SLC14A2: variants seen among roughly 807,000 people sequenced by gnomAD.
The protein encoded by SLC14A2 is urea transporter 2.
A neutral mutation model predicts 104.6 loss-of-function variants in SLC14A2; 91 were observed. The observed-to-expected ratio is 0.87, with a 90% CI of 0.73 to 1.04. The LOEUF (loss-of-function observed/expected upper bound fraction) is 1.04. Among genes scored for constraint, SLC14A2 ranks in the 50% least tolerant of loss-of-function variants. The probability of loss-of-function intolerance (pLI) is 0.00; values close to 1 mark genes in which losing one functional copy is unlikely to be tolerated. For synonymous variants in SLC14A2, 476 were observed against 466.4 expected (o/e 1.02, Z -0.27); for missense variants, 1,189 against 1,156.0 (o/e 1.03, Z -0.41).
At chr18:45,630,919 G>A (rs1021399182) in intron 4 of SLC14A2, among the ~76,000 whole-genome samples, 2 of 152,138 alleles carry the variant, frequency 1.3e-5, no homozygotes, top group Admixed American at 1.3e-4. Context: ...AAGCTGTCTA[G>A]ATATGCTCTC....
At chr18:45,257,580 A>G (rs1290418843) in intron 1 of SLC14A2, among the ~76,000 whole-genome samples, 3 of 152,226 alleles carry the variant, frequency 2.0e-5, no homozygotes, top group Admixed American at 1.3e-4. Flanking sequence ...TTTAGAAATT[A>G]CAATATGGTT....
At position 45,673,702 on chromosome 18, in the gene SLC14A2, C is replaced by G; in HGVS notation, c.2397C>G (p.Pro799=). 1 of 1,614,080 alleles carries G rather than the reference C, an allele frequency of 6.2e-7. No homozygotes were observed. The highest frequency in any genetic ancestry group is 8.5e-7 in the Non-Finnish European group (1 of 1,179,992). The change falls in exon 18 of 20, where the codon CCC becomes CCG. Residue 799 remains proline, a synonymous_variant. Transcript: ENST00000255226. The part of the protein sequence containing the change: ...GMLAALTIAT[P]FDSIYFGLCG... ...TCACAGCACTCACTATTGCGACGCC[C>G]TTTGACTCCATCTACTTCGGCCTGT...
chr18:45,398,097 G>A (rs1225918741), intron 1 of SLC14A2, among the ~76,000 whole-genome samples: 4 of 152,138 alleles, frequency 2.6e-5, no homozygotes, highest in Admixed American at 6.5e-5. Flanking sequence ...CGATATTTAT[G>A]TATAGAAATT....
chr18:45,631,368 C>T (rs568442097), intron 4 of SLC14A2, among the ~76,000 whole-genome samples: 1 of 152,232 alleles, frequency 6.6e-6, no homozygotes, highest in Non-Finnish European at 1.5e-5. Flanking sequence ...CCCTCACCCA[C>T]AGCCTATGCC....
intron 1 of SLC14A2, among the ~76,000 whole-genome samples, chr18:45,223,555 A>G (rs979581595): frequency 6.6e-6 from 1 of 152,178 alleles, no homozygotes; most frequent in African/African-American, 2.4e-5. Context: ...CTTCTTTCCA[A>G]TGGTTAGTTT....
At chr18:45,541,163 G>C (rs2043877907) in intron 2 of SLC14A2, among the ~76,000 whole-genome samples, 1 of 152,138 alleles carries the variant, frequency 6.6e-6, no homozygotes, top group Non-Finnish European at 1.5e-5. Flanking sequence ...AGGATTCTTT[G>C]TCTTCTTGCC....
chr18:45,347,221 T>G (rs2085458279), intron 1 of SLC14A2, among the ~76,000 whole-genome samples: 1 of 151,918 alleles, frequency 6.6e-6, no homozygotes, highest in South Asian at 2.1e-4. Context: ...CTGGGCATGG[T>G]GGCATGCACC....
rs9952980 is a variant in SLC14A2 at position 45,308,832 on chromosome 18, T to A, written c.-125+95641T>A. Among the ~76,000 whole-genome samples the A allele has an allele frequency of 1.1e-4, 16 of 152,204 alleles. No individual in the cohort carries two copies. The East Asian group carries it at 2.7e-3, about 26-fold the overall frequency. On this transcript the variant is annotated intron_variant, in intron 1 of 20. Coordinates refer to the SLC14A2 transcript ENST00000586448. ...AACAAAAACACAATGCTTTAAAATG[T>A]CACCATGACCATCTGGTTGTTGCCT... is the stretch of plus-strand genomic sequence containing the variant.
intron 2 of SLC14A2, among the ~76,000 whole-genome samples, chr18:45,546,978 C>G (rs2043980672): frequency 6.6e-6 from 1 of 152,136 alleles, no homozygotes. Context: ...CCATGCCCAG[C>G]CTTCTCAACC....
At chr18:45,381,417 T>C (rs2085833571) in intron 1 of SLC14A2, among the ~76,000 whole-genome samples, 1 of 152,230 alleles carries the variant, frequency 6.6e-6, no homozygotes, top group Admixed American at 6.5e-5. Context: ...GACGACCTCT[T>C]GAACTTATTT....
At chr18:45,553,598 C>T (rs2044085951) in intron 2 of SLC14A2, among the ~76,000 whole-genome samples, 1 of 151,930 alleles carries the variant, frequency 6.6e-6, no homozygotes, top group African/African-American at 2.4e-5. Context: ...TTCTCGAGGG[C>T]CCTTTACTAA....
chr18:45,626,133 C>T (rs2045254364), intron 3 of SLC14A2, among the ~76,000 whole-genome samples: 1 of 152,148 alleles, frequency 6.6e-6, no homozygotes, highest in Non-Finnish European at 1.5e-5. Flanking sequence ...GCAAATTGCT[C>T]GTTCCTATGT....
chr18:45,295,302 ATTTTTTTTT>A lies in SLC14A2; in HGVS notation c.-125+82115_-125+82123del, dbSNP rs10647065. Among the ~76,000 whole-genome samples the A allele has an allele frequency of 2.0e-5, 3 of 146,972 alleles. No homozygotes were observed. The East Asian group carries it at 6.0e-4, about 29-fold the overall frequency. ...TGTAATTAATATACATTTTTAAAGC[ATTTTTTTTT>A]TTTAGGAATAGGGGAATACTCATGG... is the stretch of plus-strand genomic sequence containing the variant. On this transcript the variant is annotated intron_variant, in intron 1 of 20. Transcript: ENST00000586448.
chr18:45,302,797 A>T lies in SLC14A2; in HGVS notation c.-125+89606A>T, dbSNP rs191726567. 9.9e-4 allele frequency among the ~76,000 whole-genome samples: 151 copies of T among 152,318 alleles called. 1 individual carries two copies. The highest frequency in any genetic ancestry group is 3.4e-3 in the Middle Eastern group (1 of 294). On this transcript the variant is annotated intron_variant, in intron 1 of 20. Transcript: ENST00000586448. ...AATACATGTGGAATAATATGTAAGG[A>T]GATAGGACATGTTTACATAAAATGT...
chr18:45,337,226 T>C lies in SLC14A2; in HGVS notation c.-125+124035T>C, dbSNP rs796756160. ...GGAATATGAAGGAGGGTCAATTTGG[T>C]AGAGGAGACCAACATGCAAAGAGGC... On this transcript the variant is annotated intron_variant, in intron 1 of 20. Coordinates refer to the SLC14A2 transcript ENST00000586448. 2.0e-5 allele frequency among the ~76,000 whole-genome samples: 3 copies of C among 152,194 alleles called. No homozygotes were observed. In the South Asian group the frequency reaches 6.2e-4, roughly 32 times the overall value.
At chr18:45,431,557 C>G (rs2086515116) in intron 1 of SLC14A2, among the ~76,000 whole-genome samples, 1 of 152,148 alleles carries the variant, frequency 6.6e-6, no homozygotes, top group African/African-American at 2.4e-5. Flanking sequence ...TGACAGTCAC[C>G]TAGCAAAGAA....
chr18:45,561,619 AT>A (rs1446407165), intron 2 of SLC14A2, among the ~76,000 whole-genome samples: 1 of 152,134 alleles, frequency 6.6e-6, no homozygotes, highest in Non-Finnish European at 1.5e-5. Flanking sequence ...TTTGCTTCAT[AT>A]TTTTTAATAA....
intron 1 of SLC14A2, among the ~76,000 whole-genome samples, chr18:45,280,574 G>A (rs2084752292): frequency 6.6e-6 from 1 of 152,130 alleles, no homozygotes; most frequent in Non-Finnish European, 1.5e-5. Context: ...TCTGGGTGAT[G>A]TGTCTACAGG....
In SLC14A2 at chr18:45,270,937, AG is replaced by A. The variant is rs538335886; in HGVS notation, c.-125+57747del. ...AAAAAAGTGAGAAAGCCTGAAAGAA[AG>A]CCTTGTTGATTTTAAGCAGATACAA... On this transcript the variant is annotated intron_variant, in intron 1 of 20. Coordinates refer to the SLC14A2 transcript ENST00000586448. Among the ~76,000 whole-genome samples, 207 of 152,304 alleles carry A rather than the reference AG, an allele frequency of 1.4e-3. 4 individuals carry two copies. The highest frequency in any genetic ancestry group is 6.6e-3 in the South Asian group (32 of 4,828).
Sources: gnomAD v4.1 joint callset for allele counts (sites outside exome capture counted in the v4.1 genomes callset) on GRCh38, gnomAD v4.1.1 for gene constraint, MANE v1.5 for transcripts, NCBI Gene and HGNC (gene_info 2026-07-23, HGNC 2026-07-21) for gene names.